The following ELAVL4 variants were observed in gnomAD, a reference collection of about 807,000 sequenced individuals.
The protein encoded by ELAVL4 is ELAV-like protein 4.
Under a neutral mutation model 35.6 loss-of-function variants are expected in ELAVL4, and 1 was observed. That is an observed-to-expected ratio of 0.03 (90% CI 0.01 to 0.13). The LOEUF (loss-of-function observed/expected upper bound fraction) is 0.13, where lower values mean the gene tolerates loss of function less well. Ranked by LOEUF, ELAVL4 falls within the 10% of genes least tolerant of loss-of-function variation. The pLI, the probability that ELAVL4 is intolerant of heterozygous loss-of-function variation, is 1.00. For missense variants in ELAVL4, 267 were observed against 464.9 expected, an observed-to-expected ratio of 0.57 and a Z score of 3.91; for synonymous variants, 156 against 171.0, an observed-to-expected ratio of 0.91 and a Z score of 0.69.
intron 1 of ELAVL4, among the ~76,000 whole-genome samples, chr1:50,119,038 AAG>A (rs935318797): frequency 2.9e-4 from 14 of 48,632 alleles, no homozygotes; most frequent in Non-Finnish European, 4.1e-4. Flanking sequence ...AAGAAAGAAA[AAG>A]AAAGAAAGAA....
At chr1:50,099,560 C>CAAAAAAAAAAAAAAAAA (rs750905424), upstream of ELAVL4, among the ~76,000 whole-genome samples, 3 of 56,302 alleles carry the variant, frequency 5.3e-5, no homozygotes, top group Non-Finnish European at 7.9e-5. Flanking sequence ...AACTCCGCCT[C>CAAAAAAAAAAAAAAAAA]AAAAAAAAAA....
chr1:50,193,366 G>GT (rs5774071), intron 3 of ELAVL4, among the ~76,000 whole-genome samples: 129,930 of 145,278 alleles, frequency 0.89, 58,631 homozygotes, highest in East Asian at 0.98. Flanking sequence ...ATTTCATGAG[G>GT]TTTTTTTTTT....
At chr1:50,194,748 G>A (rs1457525647) in intron 4 of ELAVL4, among the ~76,000 whole-genome samples, 1 of 152,174 alleles carries the variant, frequency 6.6e-6, no homozygotes, top group Non-Finnish European at 1.5e-5. Context: ...AGGAGAAGGT[G>A]TGCCATGCCT....
exon 1 of ELAVL4, chr1:50,048,101 C>A: frequency 6.9e-7 from 1 of 1,453,258 alleles, no homozygotes; most frequent in South Asian, 1.4e-5. Flanking sequence ...GGACGTCTTC[C>A]CGCCCGCCGC....
chr1:50,072,935 T>C (rs549419726), intron 1 of ELAVL4, among the ~76,000 whole-genome samples: 15 of 152,324 alleles, frequency 9.8e-5, no homozygotes, highest in South Asian at 2.1e-4. Context: ...TCTGCCAGAC[T>C]GTAAACTCTT....
intron 1 of ELAVL4, among the ~76,000 whole-genome samples, chr1:50,133,606 AG>A (rs1671284586): frequency 4.9e-5 from 6 of 121,964 alleles, no homozygotes; most frequent in African/African-American, 2.2e-4. Context: ...AAGAAAAGAA[AG>A]AAAGAAAGAA....
At chr1:50,129,439 T>C (rs1192607957) in intron 1 of ELAVL4, among the ~76,000 whole-genome samples, 1 of 152,148 alleles carries the variant, frequency 6.6e-6, no homozygotes, top group African/African-American at 2.4e-5. Flanking sequence ...ATGATGGTTT[T>C]CCTTGTAGGA....
intron 2 of ELAVL4, among the ~76,000 whole-genome samples, chr1:50,170,135 T>C (rs1678723777): frequency 6.6e-6 from 1 of 152,210 alleles, no homozygotes; most frequent in South Asian, 2.1e-4. Flanking sequence ...AACATTCACA[T>C]AGACCACAGT....
At chr1:50,088,447 G>A (rs1665344942) in intron 1 of ELAVL4, among the ~76,000 whole-genome samples, 1 of 152,164 alleles carries the variant, frequency 6.6e-6, no homozygotes, top group Non-Finnish European at 1.5e-5. Flanking sequence ...TCTATCTGTA[G>A]ACCAACTTTT....
intron 2 of ELAVL4, among the ~76,000 whole-genome samples, chr1:50,173,864 G>T (rs1679482539): frequency 6.6e-6 from 1 of 152,124 alleles, no homozygotes; most frequent in South Asian, 2.1e-4. Context: ...GTAATAAAAA[G>T]ATATTATTTC....
At chr1:50,145,322 A>G (rs1673506643) in intron 2 of ELAVL4, 125 bp downstream of exon 2, 1 of 1,391,086 alleles carries the variant, frequency 7.2e-7, no homozygotes, top group African/African-American at 1.4e-5. Flanking sequence ...GCATGGATAC[A>G]CAGTCATAAA....
rs78019788 is a variant in ELAVL4, at chr1:50,184,142, G to A, written c.354+6950G>A. ...TCCCAGTGCCCTGTTCACTTCCTTTGAGTGAATAATTTCAAATACAAGGAT... is the reference window on the plus strand; with the variant it reads ...TCCCAGTGCCCTGTTCACTTCCTTTAAGTGAATAATTTCAAATACAAGGAT... On this transcript the variant is annotated intron_variant, in intron 3 of 6. Transcript: ENST00000371824. Among the ~76,000 whole-genome samples the A allele has an allele frequency of 2.0e-3, 304 of 152,270 alleles. 1 individual carries two copies. The highest frequency in any genetic ancestry group is 7.0e-3 in the African/African-American group (290 of 41,546).
intron 6 of ELAVL4, among the ~76,000 whole-genome samples, chr1:50,199,292 T>G (rs769249596): frequency 5.9e-5 from 9 of 152,258 alleles, no homozygotes; most frequent in Non-Finnish European, 1.0e-4. Context: ...ATTTGCTTAT[T>G]TTTAAAAACA....
At chr1:50,146,192 TA>T (rs1673686660) in intron 2 of ELAVL4, among the ~76,000 whole-genome samples, 1 of 151,994 alleles carries the variant, frequency 6.6e-6, no homozygotes, top group Admixed American at 6.6e-5. Context: ...ATCATTAAAA[TA>T]GGGATATACA....
chr1:50,070,055 C>G (rs1428956008), intron 1 of ELAVL4, among the ~76,000 whole-genome samples: 1 of 152,166 alleles, frequency 6.6e-6, no homozygotes, highest in East Asian at 1.9e-4. Context: ...AATAGCTAGA[C>G]TAGCATAGAA....
At chr1:50,162,399 C>T (rs942561908) in intron 2 of ELAVL4, among the ~76,000 whole-genome samples, 5 of 152,184 alleles carry the variant, frequency 3.3e-5, no homozygotes, top group African/African-American at 1.2e-4. Context: ...GAAATACATT[C>T]AGTTCAACAA....
Position 50,159,888 on chromosome 1 carries a change from G to A in ELAVL4, c.250+14691G>A, listed in dbSNP as rs183953477. On this transcript the variant is annotated intron_variant, in intron 2 of 6. Transcript: ENST00000371824. ...GGGAGATCTTCTGCTGCCCCGGGGT[G>A]GGCAAGTAAAAGCGTTGGTGTCCTG... is the stretch of plus-strand genomic sequence containing the variant. 2.0e-5 allele frequency among the ~76,000 whole-genome samples: 3 copies of A among 152,166 alleles called. No homozygotes were observed. The East Asian group carries it at 5.8e-4, about 29-fold the overall frequency.
chr1:50,067,099 A>G (rs2148483540), intron 1 of ELAVL4, among the ~76,000 whole-genome samples: 1 of 152,246 alleles, frequency 6.6e-6, no homozygotes, highest in African/African-American at 2.4e-5. Flanking sequence ...GGTTTTATTC[A>G]CTTTCCCCTC....
At chr1:50,094,612 T>C (rs1665636153) in intron 1 of ELAVL4, among the ~76,000 whole-genome samples, 1 of 152,028 alleles carries the variant, frequency 6.6e-6, no homozygotes, top group South Asian at 2.1e-4. Context: ...TTTCTATAAG[T>C]AAAGAATAAT....
Sources: allele counts gnomAD v4.1 joint callset (sites outside exome capture counted in the v4.1 genomes callset), GRCh38; gene constraint gnomAD v4.1.1; transcripts MANE v1.5; gene names NCBI Gene and HGNC (gene_info 2026-07-23, HGNC 2026-07-21).